NAALADL2: variants seen among roughly 807,000 people sequenced by gnomAD.
NAALADL2 encodes the protein inactive N-acetylated-alpha-linked acidic dipeptidase-like protein 2.
NAALADL2 carries 76 observed loss-of-function variants against 87.2 expected under a neutral mutation model. The ratio of observed to expected loss-of-function variants is 0.87; its 90% confidence interval spans 0.72 to 1.05. NAALADL2 has a LOEUF of 1.05. Ranked by LOEUF, NAALADL2 falls within the 50% of genes least tolerant of loss-of-function variation. The probability of loss-of-function intolerance (pLI) is 0.00; values close to 1 mark genes in which losing one functional copy is unlikely to be tolerated. For synonymous variants in NAALADL2, 354 were observed against 331.0 expected, an observed-to-expected ratio of 1.07 and a Z score of -0.75; for missense variants, 1,089 against 945.8, an observed-to-expected ratio of 1.15 and a Z score of -1.99.
At chr3:174,448,166 C>T (rs1353041118) in intron 1 of NAALADL2, among the ~76,000 whole-genome samples, 1 of 152,064 alleles carries the variant, frequency 6.6e-6, no homozygotes, top group Non-Finnish European at 1.5e-5. Flanking sequence ...AGGAATTTGC[C>T]AGAATGGTAT....
intron 1 of NAALADL2, among the ~76,000 whole-genome samples, chr3:174,460,983 G>T (rs1210443633): frequency 6.6e-6 from 1 of 151,938 alleles, no homozygotes; most frequent in Admixed American, 6.6e-5. Context: ...CTACTAGTAT[G>T]ACAGCTTCAG....
intron 11 of NAALADL2, among the ~76,000 whole-genome samples, chr3:175,636,159 A>G (rs1728500740): frequency 6.6e-6 from 1 of 151,984 alleles, no homozygotes; most frequent in Admixed American, 6.6e-5. Context: ...CGCTAATCAC[A>G]CTAATCAATC....
intron 2 of NAALADL2, among the ~76,000 whole-genome samples, chr3:174,611,331 A>C (rs1031136820): frequency 2.4e-4 from 36 of 152,108 alleles, no homozygotes; most frequent in Non-Finnish European, 1.5e-5. Flanking sequence ...TAAAATAAAA[A>C]TAAATAAAAA....
At chr3:175,790,587 A>G (rs959856500) in intron 13 of NAALADL2, among the ~76,000 whole-genome samples, 3 of 152,204 alleles carry the variant, frequency 2.0e-5, no homozygotes, top group Non-Finnish European at 4.4e-5. Flanking sequence ...AACAACACAT[A>G]TGATGCAACG....
intron 3 of NAALADL2, among the ~76,000 whole-genome samples, chr3:175,249,828 G>T (rs1426496213): frequency 6.6e-6 from 1 of 152,076 alleles, no homozygotes; most frequent in Non-Finnish European, 1.5e-5. Context: ...CTACAAGAAG[G>T]CATTTAAGGT....
chr3:174,787,011 A>G (rs1304865672), intron 3 of NAALADL2, among the ~76,000 whole-genome samples: 3 of 151,420 alleles, frequency 2.0e-5, no homozygotes, highest in Admixed American at 6.6e-5. Flanking sequence ...ACTGGTTAAT[A>G]TATTTGATTT....
chr3:175,657,823 G>A (rs1277212484), intron 11 of NAALADL2, among the ~76,000 whole-genome samples: 2 of 151,880 alleles, frequency 1.3e-5, no homozygotes, highest in African/African-American at 2.4e-5. Flanking sequence ...TGATCCGCCC[G>A]TCTCAGCCTC....
intron 5 of NAALADL2, among the ~76,000 whole-genome samples, chr3:175,356,286 G>GA (rs1470378215): frequency 1.3e-5 from 2 of 151,866 alleles, no homozygotes; most frequent in Non-Finnish European, 2.9e-5. Context: ...CAGCCCCAAA[G>GA]AAAAAAATAA....
At chr3:174,472,123 A>C (rs1327190605) in intron 1 of NAALADL2, among the ~76,000 whole-genome samples, 1 of 152,196 alleles carries the variant, frequency 6.6e-6, no homozygotes, top group Non-Finnish European at 1.5e-5. Context: ...TCTGTACTTC[A>C]TCAGAAAATT....
intron 5 of NAALADL2, among the ~76,000 whole-genome samples, chr3:175,371,290 G>A (rs1229444444): frequency 2.6e-5 from 4 of 151,748 alleles, no homozygotes; most frequent in Admixed American, 6.6e-5. Context: ...TTTTTGAGAC[G>A]GAGTACTCGC....
At chr3:174,556,763 C>T (rs1436663744) in intron 2 of NAALADL2, among the ~76,000 whole-genome samples, 1 of 151,410 alleles carries the variant, frequency 6.6e-6, no homozygotes, top group African/African-American at 2.4e-5. Flanking sequence ...TTTCTAGAAA[C>T]AGAGTCTTGC....
rs1238631293 is a variant in NAALADL2, at chr3:175,271,448, G to A, written c.939+14918G>A. Among the ~76,000 whole-genome samples, 3 of 152,102 alleles carry A rather than the reference G, an allele frequency of 2.0e-5. No individual in the cohort carries two copies. In the East Asian group the frequency reaches 5.8e-4, roughly 29 times the overall value. On this transcript the variant is annotated intron_variant, in intron 4 of 13. Transcript: ENST00000454872. The stretch of plus-strand genomic sequence containing the variant: ...TTCATGCACATGAAAGAGTATTTGT[G>A]GGTTATAAAATTAGGACCTTTTCCA...
intron 2 of NAALADL2, among the ~76,000 whole-genome samples, chr3:174,667,017 C>T (rs1726015657): frequency 6.6e-6 from 1 of 152,126 alleles, no homozygotes; most frequent in Non-Finnish European, 1.5e-5. Flanking sequence ...AGATGGCCTT[C>T]TTTCTTAAGG....
intron 4 of NAALADL2, among the ~76,000 whole-genome samples, chr3:175,306,384 C>A (rs1009735716): frequency 6.6e-6 from 1 of 152,084 alleles, no homozygotes; most frequent in African/African-American, 2.4e-5. Flanking sequence ...AAACTACTAC[C>A]GAGTGCCAGG....
intron 1 of NAALADL2, among the ~76,000 whole-genome samples, chr3:174,495,572 A>G (rs1718479165): frequency 6.6e-6 from 1 of 152,314 alleles, no homozygotes; most frequent in Admixed American, 6.5e-5. Context: ...TGTTTCAATT[A>G]CAAGGCTGCC....
chr3:174,561,123 G>C (rs765558737), intron 2 of NAALADL2, among the ~76,000 whole-genome samples: 11 of 151,974 alleles, frequency 7.2e-5, no homozygotes, highest in Non-Finnish European at 1.6e-4. Context: ...CCAAGAGCAG[G>C]GTGATCAGTG....
chr3:175,590,211 AATATATATATATAT>A (rs66991809), intron 10 of NAALADL2, among the ~76,000 whole-genome samples: 4 of 5,966 alleles, frequency 6.7e-4, no homozygotes, highest in African/African-American at 2.1e-3. Context: ...GACTCCGTCT[AATATATATATATAT>A]ATATATATAT....
At chr3:175,433,089 AGTC>A (rs1033807537) in intron 5 of NAALADL2, among the ~76,000 whole-genome samples, 11 of 152,110 alleles carry the variant, frequency 7.2e-5, no homozygotes, top group African/African-American at 2.6e-4. Flanking sequence ...TGCATTTTCC[AGTC>A]GTCTCCCAGC....
chr3:175,764,990 C>G (rs532468006), intron 13 of NAALADL2, among the ~76,000 whole-genome samples: 2 of 152,112 alleles, frequency 1.3e-5, no homozygotes, highest in East Asian at 3.9e-4. Context: ...TGTGGGTGGT[C>G]TGAATGGAAC....
Sources: allele counts gnomAD v4.1 joint callset (sites outside exome capture counted in the v4.1 genomes callset), GRCh38; gene constraint gnomAD v4.1.1; transcripts MANE v1.5; gene names NCBI Gene and HGNC (gene_info 2026-07-23, HGNC 2026-07-21).